TRMT44: variants seen among roughly 807,000 people sequenced by gnomAD.
The protein encoded by TRMT44 is tRNA methyltransferase 44 homolog.
Under a neutral mutation model 77.3 loss-of-function variants are expected in TRMT44, and 78 were observed. That is an observed-to-expected ratio of 1.01 (90% confidence interval 0.84 to 1.22). The LOEUF (loss-of-function observed/expected upper bound fraction) is 1.22, where lower values mean the gene tolerates loss of function less well. TRMT44 is among the 50% of genes most tolerant of loss of function. The pLI, the probability that TRMT44 is intolerant of heterozygous loss-of-function variation, is 0.00. For missense variants in TRMT44, 1,090 were observed against 964.4 expected (o/e 1.13, Z -1.73); for synonymous variants, 391 against 383.3 (o/e 1.02, Z -0.23).
downstream of TRMT44, among the ~76,000 whole-genome samples, chr4:8,480,028 G>C (rs981371103): frequency 6.6e-6 from 1 of 152,026 alleles, no homozygotes; most frequent in African/African-American, 2.4e-5. Context: ...CCACAGGCAC[G>C]TGCCACCATG....
the TRMT44 span, among the ~76,000 whole-genome samples, chr4:8,505,631 C>G: frequency 1.3e-5 from 2 of 152,216 alleles, no homozygotes; most frequent in African/African-American, 4.8e-5. Flanking sequence ...GATGGGAGTC[C>G]TCACTGTCAC....
At chr4:8,486,837 G>T (rs1440649580) in intron 2 of TRMT44, among the ~76,000 whole-genome samples, 1 of 152,166 alleles carries the variant, frequency 6.6e-6, no homozygotes, top group Non-Finnish European at 1.5e-5. Context: ...GTGATAAAAG[G>T]ATTATAGGGT....
intron 10 of TRMT44, among the ~76,000 whole-genome samples, chr4:8,473,836 A>AAGAGGGGCGGCC (rs1727188236): frequency 6.6e-6 from 1 of 152,116 alleles, no homozygotes; most frequent in African/African-American, 2.4e-5. Context: ...CTCAGGTGTT[A>AAGAGGGGCGGCC]AGAGGGGCGG....
At chr4:8,443,711 T>A (rs1044682706) in intron 1 of TRMT44, among the ~76,000 whole-genome samples, 3 of 152,200 alleles carry the variant, frequency 2.0e-5, no homozygotes, top group Non-Finnish European at 4.4e-5. Flanking sequence ...TTCTTGGCCC[T>A]ATTCTGGGTA....
In TRMT44 at chr4:8,467,916, CT is replaced by C; in HGVS notation, c.1498del (p.Cys500ValfsTer33). On this transcript the variant is annotated frameshift_variant, in exon 9 of 11. Transcript: ENST00000389737. LOFTEE classifies it high-confidence loss of function. ...TGCTTTGCTTTCTTCAAACGCAGGT[CT>C]GTCTCGTTGGAAAATCCAGAACATA... ...CLRIPSTKRV[C>X]LVGKSRTYPS... 5 of 1,599,304 alleles carry C rather than the reference CT, an allele frequency of 3.1e-6. No individual in the cohort carries two copies. The highest frequency in any genetic ancestry group is 4.3e-6 in the Non-Finnish European group (5 of 1,169,704).
At chr4:8,482,834 G>A (rs1384248298) in intron 2 of TRMT44, among the ~76,000 whole-genome samples, 1 of 149,026 alleles carries the variant, frequency 6.7e-6, no homozygotes, top group East Asian at 2.0e-4. Flanking sequence ...TGGGCTCAGA[G>A]GCCTGACATT....
chr4:8,468,513 T>C (rs16842337), intron 9 of TRMT44, 167 bp downstream of exon 9: 1 of 666,922 alleles, frequency 1.5e-6, no homozygotes. Flanking sequence ...TCTTTAAAAT[T>C]TTCCAAATAG....
the TRMT44 span, among the ~76,000 whole-genome samples, chr4:8,499,743 A>T: frequency 6.6e-6 from 1 of 152,190 alleles, no homozygotes; most frequent in Non-Finnish European, 1.5e-5. Context: ...GGGATCACAG[A>T]CATGGGGACC....
chr4:8,441,268 T>A lies in TRMT44; in HGVS notation c.446T>A (p.Phe149Tyr). ...GATCTGGATTCGCTTTGGGAGGATTTCTCCCAAAGTCTCGCCCGTGGCAAT... is the reference window on the plus strand; with the variant it reads ...GATCTGGATTCGCTTTGGGAGGATTACTCCCAAAGTCTCGCCCGTGGCAAT... Reference protein sequence around the residue: ...AADLDSLWEDFSQSLARGNSE... With the variant: ...AADLDSLWEDYSQSLARGNSE... The change falls in exon 1 of 11, where the codon TTC (phenylalanine) becomes TAC (tyrosine). Residue 149 changes from phenylalanine (F) to tyrosine (Y), a missense_variant. Coordinates refer to ENST00000389737, the MANE Select transcript of TRMT44 (RefSeq NM_152544.3). 3 of 1,535,428 alleles carry A rather than the reference T, an allele frequency of 2.0e-6. No homozygotes were observed. Among genetic ancestry groups the A allele is most frequent in the Non-Finnish European group, 2.6e-6 (3 of 1,146,584 alleles).
At chr4:8,469,997 G>A (rs1432527810) in intron 9 of TRMT44, among the ~76,000 whole-genome samples, 1 of 152,260 alleles carries the variant, frequency 6.6e-6, no homozygotes, top group Non-Finnish European at 1.5e-5. Flanking sequence ...GCCTGGCTAG[G>A]AGTCAAGACC....
intron 2 of TRMT44, among the ~76,000 whole-genome samples, chr4:8,485,525 G>C (rs375960974): frequency 2.1e-4 from 32 of 152,294 alleles, no homozygotes; most frequent in African/African-American, 7.2e-4. Context: ...TGGGATATTG[G>C]CATTGAGCGG....
intron 2 of TRMT44, among the ~76,000 whole-genome samples, chr4:8,449,093 C>T (rs574436423): frequency 1.3e-5 from 2 of 152,332 alleles, no homozygotes; most frequent in East Asian, 1.9e-4. Flanking sequence ...TTGAATGCAT[C>T]CATGAACAGT....
intron 2 of TRMT44, among the ~76,000 whole-genome samples, chr4:8,492,410 T>C (rs947151542): frequency 6.6e-6 from 1 of 152,208 alleles, no homozygotes; most frequent in African/African-American, 2.4e-5. Flanking sequence ...CAGAAAATTA[T>C]GACCGTGAAA....
chr4:8,448,837 G>A (rs771418942), intron 2 of TRMT44, among the ~76,000 whole-genome samples: 24 of 152,222 alleles, frequency 1.6e-4, no homozygotes, highest in Non-Finnish European at 3.1e-4. Flanking sequence ...TGCTGCTGCC[G>A]CGCCCTCAGC....
chr4:8,475,842 G>C lies in TRMT44; in HGVS notation c.2115G>C (p.Ala705=). Residue 705 remains alanine (A), a synonymous_variant, in exon 11 of 11, where the codon GCG becomes GCC. Coordinates refer to ENST00000389737, the MANE Select transcript of TRMT44 (RefSeq NM_152544.3). Reference sequence around the variant, plus strand: ...TGTGGAAGACAAAGCAACCGGAAGCGAAACAGAGACTGCTCTCTGAAGCCT... The same window carrying C: ...TGTGGAAGACAAAGCAACCGGAAGCCAAACAGAGACTGCTCTCTGAAGCCT... ...ETLWKTKQPE[A]KQRLLSEACK... is the part of the protein sequence containing the mutation. 6.2e-7 allele frequency: 1 copy of C among 1,614,194 alleles called. No homozygotes were observed.
chr4:8,466,091 C>T (rs1293869121), intron 8 of TRMT44, among the ~76,000 whole-genome samples: 1 of 152,186 alleles, frequency 6.6e-6, no homozygotes, highest in Non-Finnish European at 1.5e-5. Flanking sequence ...AGACTTATGC[C>T]CTCTTGCCGC....
chr4:8,442,193 C>T (rs1012197774), intron 1 of TRMT44, among the ~76,000 whole-genome samples: 1 of 152,168 alleles, frequency 6.6e-6, no homozygotes, highest in Non-Finnish European at 1.5e-5. Flanking sequence ...GGCTTTCCTC[C>T]TCAGAGGCCT....
chr4:8,485,564 G>A, intron 2 of TRMT44, among the ~76,000 whole-genome samples: 1 of 152,120 alleles, frequency 6.6e-6, no homozygotes. Context: ...TTAATGGGAT[G>A]GTAATGGGCA....
chr4:8,499,940 T>C, the TRMT44 span, among the ~76,000 whole-genome samples: 1 of 152,066 alleles, frequency 6.6e-6, no homozygotes, highest in Non-Finnish European at 1.5e-5. Context: ...GAGAGAGAGC[T>C]CTCAGCCTAT....
Sources: allele counts gnomAD v4.1 joint callset (sites outside exome capture counted in the v4.1 genomes callset), GRCh38; gene constraint gnomAD v4.1.1; transcripts MANE v1.5; gene names NCBI Gene and HGNC (gene_info 2026-07-23, HGNC 2026-07-21).